GPR139: variants seen among roughly 807,000 people sequenced by gnomAD.
GPR139 encodes the protein G protein-coupled receptor 139.
GPR139 carries 12 observed loss-of-function variants against 25.8 expected under a neutral mutation model. The observed-to-expected ratio is 0.47, with a 90% CI of 0.30 to 0.75. The LOEUF is 0.75. Among genes scored for constraint, GPR139 ranks in the 30% least tolerant of loss-of-function variants. The pLI, the probability that GPR139 is intolerant of heterozygous loss-of-function variation, is 0.07. For synonymous variants in GPR139, 184 were observed against 179.9 expected, an observed-to-expected ratio of 1.02 and a Z score of -0.18; for missense variants, 380 against 450.2, an observed-to-expected ratio of 0.84 and a Z score of 1.41.
chr16:20,038,329 A>ATATGTG (rs1295913117), intron 1 of GPR139, among the ~76,000 whole-genome samples: 100 of 95,950 alleles, frequency 1.0e-3, no homozygotes, highest in African/African-American at 2.9e-3. Flanking sequence ...TAATATATAT[A>ATATGTG]TGTGTGTGTG....
chr16:20,055,976 CAT>C (rs1233174528), intron 1 of GPR139, among the ~76,000 whole-genome samples: 5 of 152,198 alleles, frequency 3.3e-5, no homozygotes, highest in Admixed American at 1.3e-4. Flanking sequence ...CAGTATCTAA[CAT>C]GTAGTAGGAA....
chr16:20,041,132 AG>A (rs1567235865), intron 1 of GPR139, among the ~76,000 whole-genome samples: 28 of 428 alleles, frequency 0.065, 2 homozygotes, highest in African/African-American at 0.3. Flanking sequence ...AAAGGAAAGG[AG>A]AGGAGAGGAG....
Position 20,031,677 on chromosome 16 carries a change from G to T in GPR139, c.*58C>A. 7.2e-7 allele frequency: 1 copy of T among 1,383,760 alleles called. No homozygotes were observed. Among genetic ancestry groups the T allele is most frequent in the African/African-American group, 1.4e-5 (1 of 70,660 alleles). The allele number at this position is 1,383,760 out of a possible 1,614,324, so 85.7% of individuals were successfully genotyped here. On this transcript the variant is annotated 3_prime_UTR_variant, in exon 2 of 2. Coordinates refer to ENST00000570682, the MANE Select transcript of GPR139 (RefSeq NM_001002911.4). Reference sequence around the variant, plus strand: ...GGAGAGCTGCTCAGCCATAGGATGGGACACCTTCCCATCTGGAAATGGATT... The same window carrying T: ...GGAGAGCTGCTCAGCCATAGGATGGTACACCTTCCCATCTGGAAATGGATT...
In GPR139 at chr16:20,049,453, C is replaced by T. The variant is rs150607412; in HGVS notation, c.128-16784G>A. Among the ~76,000 whole-genome samples the T allele has an allele frequency of 1.8e-3, 277 of 152,272 alleles. 2 individuals are homozygous for T. Among genetic ancestry groups the T allele is most frequent in the African/African-American group, 6.2e-3 (257 of 41,554 alleles). Reference sequence around the variant, plus strand: ...CAAATTCCCCACTTACTGACTTGGGCGTAACACTTAAGTCAGTTTTCTCAT... The same window carrying T: ...CAAATTCCCCACTTACTGACTTGGGTGTAACACTTAAGTCAGTTTTCTCAT... On this transcript the variant is annotated intron_variant, in intron 1 of 1. Transcript: ENST00000570682.
At chr16:20,037,881 A>G (rs2141202204) in intron 1 of GPR139, among the ~76,000 whole-genome samples, 1 of 152,162 alleles carries the variant, frequency 6.6e-6, no homozygotes, top group African/African-American at 2.4e-5. Context: ...TTTTGATGAG[A>G]CTGAGTTTCG....
chr16:20,039,262 C>T (rs576447044), intron 1 of GPR139, among the ~76,000 whole-genome samples: 1 of 152,288 alleles, frequency 6.6e-6, no homozygotes, highest in East Asian at 1.9e-4. Context: ...TGTCAGACCA[C>T]ACCACTGAAT....
rs972503740 is a variant in GPR139 at position 20,028,286 on chromosome 16, C to A, written c.*3449G>T. Among the ~76,000 whole-genome samples the A allele has an allele frequency of 5.3e-5, 8 of 152,030 alleles. No homozygotes were observed. The highest frequency in any genetic ancestry group is 1.2e-4 in the Non-Finnish European group (8 of 68,014). ...ATTATTCCACATTGTATACATATAT[C>A]AAAACATCACATTGTATCCCATAAA... On this transcript the variant is annotated 3_prime_UTR_variant, in exon 2 of 2. Transcript: ENST00000570682.
chr16:20,049,711 C>G (rs149914463), intron 1 of GPR139, among the ~76,000 whole-genome samples: 109 of 152,338 alleles, frequency 7.2e-4, no homozygotes, highest in African/African-American at 2.5e-3. Flanking sequence ...TCCAGGTTTG[C>G]TGATTCCTAG....
Position 20,031,452 on chromosome 16 carries a change from T to G in GPR139, c.*283A>C, listed in dbSNP as rs1246863472. 4.6e-6 allele frequency: 2 copies of G among 431,942 alleles called. No homozygotes were observed. The highest frequency in any genetic ancestry group is 4.0e-5 in the African/African-American group (2 of 50,598). The allele number at this position is 431,942 out of a possible 1,614,324, so 26.8% of individuals were successfully genotyped here. ...CTACTTCTCTACTTTGTGTCCTAACTGGTCACAGGATGATGACACAAGCTC... is the reference window on the plus strand; with the variant it reads ...CTACTTCTCTACTTTGTGTCCTAACGGGTCACAGGATGATGACACAAGCTC... On this transcript the variant is annotated 3_prime_UTR_variant, in exon 2 of 2. Coordinates refer to ENST00000570682, the MANE Select transcript of GPR139 (RefSeq NM_001002911.4).
intron 1 of GPR139, 61 bp from the exon 2 acceptor site, chr16:20,032,730 G>A (rs1596463040): frequency 3.2e-5 from 39 of 1,207,720 alleles, no homozygotes; most frequent in Non-Finnish European, 4.4e-5. Flanking sequence ...TGGCTCCTAT[G>A]GGGGCCCTAG....
chr16:20,031,914 T>C lies in GPR139; in HGVS notation c.883A>G (p.Met295Val), dbSNP rs149441644. 8,246 of 1,614,200 alleles carry C rather than the reference T, an allele frequency of 5.1e-3. 33 individuals carry two copies. The highest frequency in any genetic ancestry group is 6.3e-3 in the Non-Finnish European group (7,470 of 1,180,042). Residue 295 changes from methionine to valine, a missense_variant, in exon 2 of 2, where the codon ATG becomes GTG. Met to Val is a conservative substitution (Grantham distance 21). Transcript: ENST00000570682. Reference sequence around the variant, plus strand: ...AAAGCCTTGAGCGTGGCGGCTGCCATGGTGCGGAACCGCTTGCTGATGAAG... The same window carrying C: ...AAAGCCTTGAGCGTGGCGGCTGCCACGGTGCGGAACCGCTTGCTGATGAAG... ...YCFISKRFRT[M>V]AAATLKAFFK...
chr16:20,031,449 A>G lies in GPR139; in HGVS notation c.*286T>C, dbSNP rs1043181444. ...AGACTACTTCTCTACTTTGTGTCCT[A>G]ACTGGTCACAGGATGATGACACAAG... On this transcript the variant is annotated 3_prime_UTR_variant, in exon 2 of 2. Coordinates refer to ENST00000570682, the MANE Select transcript of GPR139 (RefSeq NM_001002911.4). 2.9e-4 allele frequency: 124 copies of G among 420,674 alleles called. No individual in the cohort carries two copies. Among genetic ancestry groups the G allele is most frequent in the African/African-American group, 2.4e-3 (121 of 50,416 alleles). The allele number at this position is 420,674 out of a possible 1,614,324, so 26.1% of individuals were successfully genotyped here.
chr16:20,046,318 T>C (rs543713457), intron 1 of GPR139, among the ~76,000 whole-genome samples: 2 of 152,354 alleles, frequency 1.3e-5, no homozygotes, highest in East Asian at 1.9e-4. Context: ...AGAGATGCAG[T>C]GATAGACAAA....
chr16:20,061,291 A>G (rs959325104), intron 1 of GPR139, among the ~76,000 whole-genome samples: 3 of 151,398 alleles, frequency 2.0e-5, no homozygotes, highest in African/African-American at 7.3e-5. Context: ...AGATGGATGG[A>G]CAGATGCATG....
chr16:20,051,643 G>A (rs536557497), intron 1 of GPR139, among the ~76,000 whole-genome samples: 1 of 152,298 alleles, frequency 6.6e-6, no homozygotes, highest in South Asian at 2.1e-4. Flanking sequence ...TCAAGGAGGC[G>A]TAATTATATG....
At chr16:20,043,423 C>T (rs917174097) in intron 1 of GPR139, among the ~76,000 whole-genome samples, 9 of 151,960 alleles carry the variant, frequency 5.9e-5, no homozygotes, top group Non-Finnish European at 1.0e-4. Context: ...GGTGGCTTTG[C>T]GTAGATGAGA....
chr16:20,061,521 C>G (rs2057414495), intron 1 of GPR139, among the ~76,000 whole-genome samples: 1 of 152,192 alleles, frequency 6.6e-6, no homozygotes, highest in Admixed American at 6.5e-5. Flanking sequence ...TGATTGTGCT[C>G]TCTGATTTCT....
intron 1 of GPR139, among the ~76,000 whole-genome samples, chr16:20,066,872 A>G (rs1420170096): frequency 6.6e-6 from 1 of 152,220 alleles, no homozygotes; most frequent in Non-Finnish European, 1.5e-5. Context: ...ACAGCTGAAG[A>G]AACTGAGGCT....
chr16:20,033,273 A>G (rs553926338), intron 1 of GPR139, among the ~76,000 whole-genome samples: 1 of 150,456 alleles, frequency 6.6e-6, no homozygotes, highest in African/African-American at 2.5e-5. Context: ...GTGAGAGGCG[A>G]TGCTGCCATT....
Sources: allele counts gnomAD v4.1 joint callset (sites outside exome capture counted in the v4.1 genomes callset), GRCh38; gene constraint gnomAD v4.1.1; transcripts MANE v1.5; gene names NCBI Gene and HGNC (gene_info 2026-07-23, HGNC 2026-07-21).